Variants in TENM1 observed in about 807,000 individuals in gnomAD.
The protein encoded by TENM1 is teneurin transmembrane protein 1.
In TENM1, 35 loss-of-function variants were observed where a neutral mutation model predicts 174.8. That is an observed-to-expected ratio of 0.20 (90% CI 0.15 to 0.27). TENM1 has a LOEUF of 0.27. Among genes scored for constraint, TENM1 ranks in the 10% least tolerant of loss-of-function variants. The probability of loss-of-function intolerance (pLI) is 1.00; values close to 1 mark genes in which losing one functional copy is unlikely to be tolerated. For missense variants in TENM1, 1,633 were observed against 2,130.1 expected, an observed-to-expected ratio of 0.77 and a Z score of 4.59; for synonymous variants, 781 against 798.7, an observed-to-expected ratio of 0.98 and a Z score of 0.37.
At chrX:124,771,194 C>T (rs902270051) in intron 3 of TENM1, among the ~76,000 whole-genome samples, 5 of 112,626 alleles carry the variant, frequency 4.4e-5, no homozygotes, top group Non-Finnish European at 9.4e-5. Flanking sequence ...AAAATGTTTA[C>T]AATGTAGCAC....
rs187528522 is a variant in TENM1, at chrX:124,693,229, G to A, written c.1015+11784C>T. On this transcript the variant is annotated intron_variant, in intron 5 of 31. Transcript: ENST00000422452. ...AGTTGATAGTTTTGAGTCAGTTTTTGAAGGTACTTGGAGGTAATTCCAAGG... is the reference window on the plus strand; with the variant it reads ...AGTTGATAGTTTTGAGTCAGTTTTTAAAGGTACTTGGAGGTAATTCCAAGG... 1.9e-3 allele frequency among the ~76,000 whole-genome samples: 207 copies of A among 110,665 alleles called. 2 individuals are homozygous for A. The highest frequency in any genetic ancestry group is 6.5e-3 in the African/African-American group (199 of 30,535).
the TENM1 span, among the ~76,000 whole-genome samples, chrX:125,139,743 C>T: frequency 9.2e-6 from 1 of 108,228 alleles, no homozygotes; most frequent in Non-Finnish European, 1.9e-5. Flanking sequence ...ATCATAACCC[C>T]TAGAGACAAA....
At chrX:124,732,092 G>C (rs1294917997) in intron 4 of TENM1, among the ~76,000 whole-genome samples, 1 of 112,188 alleles carries the variant, frequency 8.9e-6, no homozygotes, top group African/African-American at 3.2e-5. Context: ...CTAACAAGAT[G>C]AGATCAAATT....
chrX:124,560,700 T>C (rs890680151), intron 14 of TENM1, among the ~76,000 whole-genome samples: 2 of 112,247 alleles, frequency 1.8e-5, no homozygotes, highest in Non-Finnish European at 3.8e-5. Flanking sequence ...CTTATTAATA[T>C]AATCCTGCCT....
chrX:124,515,295 A>C (rs2047677550), intron 18 of TENM1, among the ~76,000 whole-genome samples: 1 of 111,851 alleles, frequency 8.9e-6, no homozygotes, highest in Admixed American at 9.5e-5. Flanking sequence ...GCACAAGACA[A>C]GGATGCCCTC....
At chrX:124,822,991 T>C (rs1014207353) in intron 3 of TENM1, among the ~76,000 whole-genome samples, 1 of 112,427 alleles carries the variant, frequency 8.9e-6, no homozygotes, top group Non-Finnish European at 1.9e-5. Context: ...AGAGCTTACA[T>C]TCTACTTATG....
intron 5 of TENM1, among the ~76,000 whole-genome samples, chrX:124,672,404 A>G (rs1406189100): frequency 9.0e-6 from 1 of 111,658 alleles, no homozygotes; most frequent in Non-Finnish European, 1.9e-5. Flanking sequence ...TTGACATAAG[A>G]CAGGTTTAAA....
intron 18 of TENM1, among the ~76,000 whole-genome samples, chrX:124,509,226 G>T (rs997585690): frequency 9.0e-6 from 1 of 111,124 alleles, no homozygotes; most frequent in Non-Finnish European, 1.9e-5. Context: ...ACCAAGAAAG[G>T]GTTTACCTTT....
chrX:124,994,904 G>T, the TENM1 span, among the ~76,000 whole-genome samples: 6 of 110,700 alleles, frequency 5.4e-5, no homozygotes, highest in African/African-American at 2.0e-4. Flanking sequence ...CTCTACAAAG[G>T]CTTCCCACTG....
At chrX:124,477,044 G>A (rs1025724805) in intron 22 of TENM1, among the ~76,000 whole-genome samples, 2 of 112,360 alleles carry the variant, frequency 1.8e-5, no homozygotes, top group African/African-American at 6.5e-5. Flanking sequence ...CTTCCTCCCA[G>A]GAGAAGTACC....
At chrX:124,856,810 A>G (rs746677516) in intron 3 of TENM1, among the ~76,000 whole-genome samples, 25 of 111,128 alleles carry the variant, frequency 2.2e-4, no homozygotes, top group Non-Finnish European at 1.9e-5. Context: ...TCAGATAGTG[A>G]CGTGGTAGTG....
intron 14 of TENM1, among the ~76,000 whole-genome samples, chrX:124,560,602 TA>T (rs2148158394): frequency 9.0e-6 from 1 of 110,955 alleles, no homozygotes; most frequent in Admixed American, 9.6e-5. Flanking sequence ...GATAAGGTCT[TA>T]AAACTTTTAA....
At chrX:124,632,735 G>GA (rs755716609) in intron 11 of TENM1, among the ~76,000 whole-genome samples, 7 of 110,806 alleles carry the variant, frequency 6.3e-5, no homozygotes, top group Non-Finnish European at 1.1e-4. Flanking sequence ...TGTATTTGGA[G>GA]AAAAAAAATA....
chrX:124,382,679 A>T, exon 31 of TENM1: 1 of 1,207,144 alleles, frequency 8.3e-7, no homozygotes, highest in Non-Finnish European at 1.1e-6. Flanking sequence ...CCTTTCCAGG[A>T]TCCCACTCTT....
chrX:124,671,710 T>C, exon 6 of TENM1: 3 of 1,207,123 alleles, frequency 2.5e-6, no homozygotes, highest in Non-Finnish European at 3.4e-6. Context: ...TCAGAAACTT[T>C]TCCTCCAATT....
intron 21 of TENM1, among the ~76,000 whole-genome samples, chrX:124,486,035 A>G (rs2046946017): frequency 8.9e-6 from 1 of 111,797 alleles, no homozygotes; most frequent in African/African-American, 3.2e-5. Flanking sequence ...GGTCCCTCCT[A>G]TCAATATGTA....
chrX:124,950,694 T>C (rs1162629473), intron 1 of TENM1, among the ~76,000 whole-genome samples: 3 of 111,761 alleles, frequency 2.7e-5, no homozygotes, highest in Non-Finnish European at 5.6e-5. Context: ...TCAAATTTTA[T>C]GTAATTTTTA....
intron 3 of TENM1, among the ~76,000 whole-genome samples, chrX:124,830,757 A>T (rs2056271769): frequency 9.0e-6 from 1 of 111,661 alleles, no homozygotes; most frequent in Non-Finnish European, 1.9e-5. Context: ...GAAGAAAAAA[A>T]ATCAAAGCTT....
At chrX:124,494,103 T>C (rs1463106972) in intron 20 of TENM1, among the ~76,000 whole-genome samples, 2 of 111,290 alleles carry the variant, frequency 1.8e-5, no homozygotes, top group Non-Finnish European at 3.8e-5. Context: ...CTGAAAAATT[T>C]TGAGAAATGC....
Sources: gnomAD v4.1 joint callset for allele counts (sites outside exome capture counted in the v4.1 genomes callset) on GRCh38, gnomAD v4.1.1 for gene constraint, MANE v1.5 for transcripts, NCBI Gene and HGNC (gene_info 2026-07-23, HGNC 2026-07-21) for gene names.